HCST: variants seen among roughly 807,000 people sequenced by gnomAD.
HCST encodes DNAX-activation protein 10.
Under a neutral mutation model 10.8 loss-of-function variants are expected in HCST, and 12 were observed. That is an observed-to-expected ratio of 1.12 (90% CI 0.72 to 1.81). HCST has a LOEUF of 1.81. Among genes scored for constraint, HCST ranks in the 40% most tolerant of loss-of-function variants. The probability of loss-of-function intolerance (pLI) is 0.00; values close to 1 mark genes in which losing one functional copy is unlikely to be tolerated. For synonymous variants in HCST, 59 were observed against 51.6 expected (o/e 1.14, Z -0.61); for missense variants, 102 against 117.9 (o/e 0.87, Z 0.62).
In HCST at chr19:35,903,367, G is replaced by T; in HGVS notation, c.60G>T (p.Thr20=). The T allele has an allele frequency of 1.9e-6, 3 of 1,613,740 alleles. No homozygotes were observed. The South Asian group carries it at 3.3e-5, about 18-fold the overall frequency. ...LLLLPVAAAQ[T]TPGERSSLPA... The stretch of plus-strand genomic sequence containing the variant: ...TTTCCACAGTGGCTGCAGCTCAGAC[G>T]ACTCCAGGAGAGAGATCATCACTCC... Residue 20 remains threonine, a synonymous_variant, in exon 2 of 4, where the codon ACG becomes ACT. Transcript: ENST00000246551.
rs747879479 is a variant in HCST, at chr19:35,903,869, C to T, written c.207C>T (p.Phe69=). The part of the protein sequence containing the change: ...VASLLIVGAV[F]LCARPRRSPA... Reference sequence around the variant, plus strand: ...CGCTGCTCATCGTGGGGGCGGTGTTCCTGTGCGCACGCCCACGCCGCAGCC... The same window carrying T: ...CGCTGCTCATCGTGGGGGCGGTGTTTCTGTGCGCACGCCCACGCCGCAGCC... Residue 69 remains phenylalanine (F), a synonymous_variant, in exon 3 of 4, where the codon TTC becomes TTT. Transcript: ENST00000246551. 6.2e-7 allele frequency: 1 copy of T among 1,612,922 alleles called. No individual in the cohort carries two copies.
rs572902895 is a variant in HCST at position 35,903,116 on chromosome 19, G to A, written c.44-235G>A. 246 of 488,450 alleles carry A rather than the reference G, an allele frequency of 5.0e-4. 1 individual carries two copies. The highest frequency in any genetic ancestry group is 1.9e-3 in the South Asian group (91 of 48,228). 30.3% of individuals were successfully genotyped at this position (488,450 alleles called of 1,614,324 possible). A position where few individuals can be genotyped will look rare whatever the true frequency, so the allele number is the denominator to read the frequency against. ...GGTGATCCTCCCAGCTCAGCCTCCC[G>A]AGTAACTGGGATTACAGGTGTGAAC... On this transcript the variant is annotated intron_variant, in intron 1 of 3. Coordinates refer to ENST00000246551, the MANE Select transcript of HCST (RefSeq NM_014266.4).
Position 35,904,312 on chromosome 19 carries a change from A to G in HCST, c.*152A>G. The G allele has an allele frequency of 1.1e-6, 1 of 907,082 alleles. No homozygotes were observed. Among genetic ancestry groups the G allele is most frequent in the Non-Finnish European group, 1.8e-6 (1 of 566,432 alleles). 56.2% of individuals were successfully genotyped at this position (907,082 alleles called of 1,614,324 possible). A position where few individuals can be genotyped will look rare whatever the true frequency, so the allele number is the denominator to read the frequency against. On this transcript the variant is annotated 3_prime_UTR_variant, in exon 4 of 4. Transcript: ENST00000246551. ...TCTCAAAGAACCCCAGAGTTCCCAA[A>G]GCCTCCCTCCCATGAACTGTTTCTG...
intron 1 of HCST, chr19:35,903,068 G>A: frequency 2.2e-6 from 1 of 458,236 alleles, no homozygotes. Flanking sequence ...ACGGCTCACG[G>A]CAGCCTTGAC....
In HCST at chr19:35,903,286, A is replaced by G. The variant is rs560210280; in HGVS notation, c.44-65A>G. On this transcript the variant is annotated intron_variant, in intron 1 of 3. Coordinates refer to ENST00000246551, the MANE Select transcript of HCST (RefSeq NM_014266.4). ...GATGACAGGCGTGAGCCACGGTGCC[A>G]GGCTGAGCATTCTGTTTTGTGGACC... 7.8e-6 allele frequency: 11 copies of G among 1,417,404 alleles called. No individual in the cohort carries two copies. In the Admixed American group the frequency reaches 1.7e-4, roughly 22 times the overall value. The allele number at this position is 1,417,404 out of a possible 1,614,324, so 87.8% of individuals were successfully genotyped here.
chr19:35,903,095 A>G, intron 1 of HCST: 1 of 475,168 alleles, frequency 2.1e-6, no homozygotes, highest in Non-Finnish European at 3.9e-6. Flanking sequence ...GGCTCAGGTG[A>G]TCCTCCCAGC....
At position 35,902,587 on chromosome 19, in the gene HCST, G is replaced by A. The variant is rs919061515; in HGVS notation, c.-7G>A. ...TCTGCCAGACCCCTGCCAGACCCCA[G>A]TCCACCATGATCCATCTGGGTCACA... On this transcript the variant is annotated 5_prime_UTR_variant, in exon 1 of 4. Transcript: ENST00000246551. The A allele has an allele frequency of 6.2e-7, 1 of 1,614,102 alleles. No homozygotes were observed. Among genetic ancestry groups the A allele is most frequent in the African/African-American group, 1.3e-5 (1 of 75,034 alleles).
intron 3 of HCST, 45 bp from the exon 4 acceptor site, chr19:35,904,075 A>C (rs750219610): frequency 6.2e-6 from 10 of 1,611,674 alleles, no homozygotes; most frequent in Non-Finnish European, 8.5e-6. Context: ...AGGGAAGTGG[A>C]GATATGGGTG....
intron 1 of HCST, 45 bp from the exon 2 acceptor site, chr19:35,903,306 T>C: frequency 6.4e-7 from 1 of 1,552,708 alleles, no homozygotes; most frequent in African/African-American, 1.4e-5. Flanking sequence ...TTCTGTTTTG[T>C]GGACCTTCTC....
Position 35,903,845 on chromosome 19 carries a change from G to C in HCST, c.183G>C (p.Ser61=), listed in dbSNP as rs1315501540. ...TCGTGGCTGCTGATGCGGTGGCATC[G>C]CTGCTCATCGTGGGGGCGGTGTTCC... is the stretch of plus-strand genomic sequence containing the variant. ...AGLVAADAVA[S]LLIVGAVFLC... Residue 61 remains serine (S), a synonymous_variant, in exon 3 of 4, where the codon TCG becomes TCC. Transcript: ENST00000246551. The C allele has an allele frequency of 1.2e-6, 2 of 1,613,660 alleles. No homozygotes were observed. Among genetic ancestry groups the C allele is most frequent in the African/African-American group, 2.7e-5 (2 of 75,064 alleles).
rs369094148 is a variant in HCST, at chr19:35,902,644, C to T, written c.43+8C>T. 2.5e-6 allele frequency: 4 copies of T among 1,613,878 alleles called. No homozygotes were observed. The African/African-American group carries it at 4.0e-5, about 16-fold the overall frequency. On this transcript the variant is annotated splice_region_variant and intron_variant, in intron 1 of 3. Coordinates refer to ENST00000246551, the MANE Select transcript of HCST (RefSeq NM_014266.4). ...TCCTGCTTTTGCTCCCAGGTGAAGC[C>T]AGTGGTTACAGGGGATGGTAGGCAG...
rs1459538546 is a variant in HCST, at chr19:35,904,233, G to A, written c.*73G>A. ...GGTGTGTGGTGGCACAGGAACCCCCGCCCCAACTTTTGGATTGTAATAAAA... is the reference window on the plus strand; with the variant it reads ...GGTGTGTGGTGGCACAGGAACCCCCACCCCAACTTTTGGATTGTAATAAAA... On this transcript the variant is annotated 3_prime_UTR_variant, in exon 4 of 4. Coordinates refer to ENST00000246551, the MANE Select transcript of HCST (RefSeq NM_014266.4). 38 of 1,465,528 alleles carry A rather than the reference G, an allele frequency of 2.6e-5. No homozygotes were observed. The highest frequency in any genetic ancestry group is 3.1e-5 in the Non-Finnish European group (33 of 1,051,128). 90.8% of individuals were successfully genotyped at this position (1,465,528 alleles called of 1,614,324 possible).
At chr19:35,903,484 A>C in intron 2 of HCST, 68 bp downstream of exon 2, 1 of 1,347,810 alleles carries the variant, frequency 7.4e-7, no homozygotes, top group Admixed American at 1.7e-5. Flanking sequence ...CCAGGTCACC[A>C]TCCCACCTCC....
intron 1 of HCST, 32 bp from the exon 2 acceptor site, chr19:35,903,319 C>A: frequency 1.3e-6 from 2 of 1,594,202 alleles, no homozygotes; most frequent in Non-Finnish European, 1.7e-6. Flanking sequence ...ACCTTCTCTC[C>A]ACCCTCATCC....
In HCST at chr19:35,903,423, C is replaced by A. The variant is rs772052066; in HGVS notation, c.109+7C>A. 1.9e-6 allele frequency: 3 copies of A among 1,613,052 alleles called. No homozygotes were observed. The highest frequency in any genetic ancestry group is 1.7e-6 in the Non-Finnish European group (2 of 1,179,104). On this transcript the variant is annotated splice_region_variant and intron_variant, in intron 2 of 3. Coordinates refer to ENST00000246551, the MANE Select transcript of HCST (RefSeq NM_014266.4). ...TTTTACCCTGGCACTTCAGGTATCA[C>A]TTCCACCCCAGAAGCTTGGCCAGAG...
intron 1 of HCST, 61 bp downstream of exon 1, chr19:35,902,697 A>G: frequency 6.5e-7 from 1 of 1,532,564 alleles, no homozygotes; most frequent in South Asian, 1.1e-5. Context: ...TGCTTGGGTG[A>G]CGTCTGCAGG....
chr19:35,903,950 G>C (rs371385905), intron 3 of HCST, 47 bp downstream of exon 3: 486 of 1,587,016 alleles, frequency 3.1e-4, no homozygotes, highest in Non-Finnish European at 4.0e-4. Context: ...AGTGTCCCTA[G>C]GGAGGGGGTC....
At chr19:35,903,554 CT>C in intron 2 of HCST, 138 bp downstream of exon 2, 1 of 1,044,298 alleles carries the variant, frequency 9.6e-7, no homozygotes, top group South Asian at 1.4e-5. Flanking sequence ...GACCCCCAGC[CT>C]GTGTTCAGGA....
intron 3 of HCST, 35 bp from the exon 4 acceptor site, chr19:35,904,085 G>A (rs1427364528): frequency 6.2e-7 from 1 of 1,612,992 alleles, no homozygotes; most frequent in Non-Finnish European, 8.5e-7. Flanking sequence ...AGATATGGGT[G>A]GTCAAGCTTC....
Sources: allele counts gnomAD v4.1 joint callset, GRCh38; gene constraint gnomAD v4.1.1; transcripts MANE v1.5; gene names NCBI Gene and HGNC (gene_info 2026-07-23, HGNC 2026-07-21).